The following RASSF5 variants were observed in gnomAD, a reference collection of about 807,000 sequenced individuals.
The protein encoded by RASSF5 is Ras association domain family member 5.
Under a neutral mutation model 40.5 loss-of-function variants are expected in RASSF5, and 25 were observed. The observed-to-expected ratio is 0.62, with a 90% CI of 0.45 to 0.86. The LOEUF (loss-of-function observed/expected upper bound fraction) is 0.86, where lower values mean the gene tolerates loss of function less well. RASSF5 is among the 40% of genes least tolerant of loss of function. The pLI, the probability that RASSF5 is intolerant of heterozygous loss-of-function variation, is 0.00. For synonymous variants in RASSF5, 246 were observed against 252.4 expected, an observed-to-expected ratio of 0.97 and a Z score of 0.24; for missense variants, 521 against 572.8, an observed-to-expected ratio of 0.91 and a Z score of 0.92.
At chr1:206,570,106 C>G (rs1334386815) in intron 2 of RASSF5, among the ~76,000 whole-genome samples, 8 of 118,394 alleles carry the variant, frequency 6.8e-5, no homozygotes, top group Admixed American at 1.0e-4. Flanking sequence ...TTTTTTTTTC[C>G]CCAAGACAGA....
chr1:206,536,470 C>T (rs1364582870), intron 1 of RASSF5, among the ~76,000 whole-genome samples: 1 of 151,810 alleles, frequency 6.6e-6, no homozygotes, highest in East Asian at 1.9e-4. Flanking sequence ...CCCCTATGGA[C>T]ATTAGTGGCA....
At position 206,531,210 on chromosome 1, in the gene RASSF5, C is replaced by A. The variant is rs1408174862; in HGVS notation, c.458-6962C>A. 6.6e-6 allele frequency among the ~76,000 whole-genome samples: 1 copy of A among 152,222 alleles called. No individual in the cohort carries two copies. Among genetic ancestry groups the A allele is most frequent in the Non-Finnish European group, 1.5e-5 (1 of 68,032 alleles). ...ACTTCAACAAAGGGCAGCAGAGAAG[C>A]ATTCCTTCCTTTAGTCACTCAACCA... On this transcript the variant is annotated intron_variant, in intron 1 of 5. Coordinates refer to ENST00000579436, the MANE Select transcript of RASSF5 (RefSeq NM_182663.4). The surrounding 1 kb of genome is among the most constrained non-coding windows in gnomAD (Gnocchi z 4.7).
At position 206,584,781 on chromosome 1, in the gene RASSF5, G is replaced by GT; in HGVS notation, c.988+97_988+98insT. The GT allele has an allele frequency of 7.4e-7, 1 of 1,349,908 alleles. No homozygotes were observed. The highest frequency in any genetic ancestry group is 1.0e-6 in the Non-Finnish European group (1 of 972,560). The allele number at this position is 1,349,908 out of a possible 1,614,324, so 83.6% of individuals were successfully genotyped here. A position where few individuals can be genotyped will look rare whatever the true frequency, so the allele number is the denominator to read the frequency against. ...TGCCGGCCTTGGGTGGGAGCTGTGG[G>GT]CTTCTCCTGAGCACCAGGGGTCCAG... On this transcript the variant is annotated intron_variant, in intron 4 of 5. Transcript: ENST00000579436. This position sits in a 1 kb window ranked among gnomAD's most constrained non-coding sequence, Gnocchi z 4.9.
intron 1 of RASSF5, chr1:206,529,731 C>T (rs1351340210): frequency 1.7e-6 from 1 of 579,390 alleles, no homozygotes; most frequent in African/African-American, 1.9e-5. Context: ...GTTTTCTGTA[C>T]ATAAAAATAA....
chr1:206,580,154 G>GAGAT (rs1344633367), intron 2 of RASSF5, among the ~76,000 whole-genome samples: 1 of 151,976 alleles, frequency 6.6e-6, no homozygotes, highest in Admixed American at 6.6e-5. Flanking sequence ...GGGAAGGGGA[G>GAGAT]AGATAGATGG....
intron 2 of RASSF5, among the ~76,000 whole-genome samples, chr1:206,558,003 C>T (rs933957452): frequency 2.6e-5 from 4 of 152,176 alleles, no homozygotes; most frequent in African/African-American, 4.8e-5. Flanking sequence ...GTCTCATAAC[C>T]GCACCCCCTC....
Position 206,507,680 on chromosome 1 carries a change from G to A in RASSF5, c.78G>A (p.Gln26=), listed in dbSNP as rs782802256. The A allele has an allele frequency of 3.4e-5, 51 of 1,513,486 alleles. No individual in the cohort carries two copies. The highest frequency in any genetic ancestry group is 4.4e-5 in the Non-Finnish European group (50 of 1,137,472). The allele number at this position is 1,513,486 out of a possible 1,614,324, so 93.8% of individuals were successfully genotyped here. A position where few individuals can be genotyped will look rare whatever the true frequency, so the allele number is the denominator to read the frequency against. Residue 26 remains glutamine, a synonymous_variant, in exon 1 of 6, where the codon CAG becomes CAA. Transcript: ENST00000579436. ...LLDPEPPRYL[Q]SLSGPELPPP... ...ACCCCGAGCCGCCGCGCTATCTACA[G>A]AGCCTGAGCGGCCCCGAGCTACCGC...
intron 3 of RASSF5, among the ~76,000 whole-genome samples, chr1:206,583,881 C>T (rs527848744): frequency 6.6e-6 from 1 of 152,296 alleles, no homozygotes; most frequent in East Asian, 1.9e-4. Context: ...CATCAGCTGG[C>T]TCTTTGGGGT....
chr1:206,571,231 G>T (rs1553404152), intron 2 of RASSF5: 1 of 150,926 alleles, frequency 6.6e-6, no homozygotes, highest in Admixed American at 6.6e-5. Flanking sequence ...ATCATATATA[G>T]ATCTTCTTTA....
chr1:206,532,097 A>T (rs1189096941), intron 1 of RASSF5, among the ~76,000 whole-genome samples: 1 of 152,160 alleles, frequency 6.6e-6, no homozygotes, highest in African/African-American at 2.4e-5. Context: ...TTTCCAATGC[A>T]TATTATTTTT....
rs60985867 is a variant in RASSF5, at chr1:206,531,873, T to TAAA, written c.458-6292_458-6290dup. On this transcript the variant is annotated intron_variant, in intron 1 of 5. Transcript: ENST00000579436. This position sits in a 1 kb window ranked among gnomAD's most constrained non-coding sequence, Gnocchi z 4.7. ...TAACATAGTGAAACCCTGTCTCTAC[T>TAAA]AAAAAAAAATAAATAAATAAATACA... 1.4e-5 allele frequency among the ~76,000 whole-genome samples: 2 copies of TAAA among 145,118 alleles called. No homozygotes were observed. Among genetic ancestry groups the TAAA allele is most frequent in the African/African-American group, 5.2e-5 (2 of 38,350 alleles).
rs61485853 is a variant in RASSF5, at chr1:206,512,819, C to A, written c.457+4760C>A. The stretch of plus-strand genomic sequence containing the variant: ...GGCCGAACCCAGGTCTGAGAATGGG[C>A]ATAAGAAGAATTCTTTGCATGTCAG... On this transcript the variant is annotated intron_variant, in intron 1 of 5. Coordinates refer to ENST00000579436, the MANE Select transcript of RASSF5 (RefSeq NM_182663.4). Among the ~76,000 whole-genome samples the A allele has an allele frequency of 8.9e-3, 1,356 of 152,344 alleles. 24 individuals are homozygous for A. The highest frequency in any genetic ancestry group is 0.031 in the African/African-American group (1,301 of 41,576).
rs1253960857 is a variant in RASSF5 at position 206,513,106 on chromosome 1, C to T, written c.457+5047C>T. Among the ~76,000 whole-genome samples, 1 of 152,208 alleles carries T rather than the reference C, an allele frequency of 6.6e-6. No individual in the cohort carries two copies. The highest frequency in any genetic ancestry group is 1.5e-5 in the Non-Finnish European group (1 of 68,034). On this transcript the variant is annotated intron_variant, in intron 1 of 5. Coordinates refer to ENST00000579436, the MANE Select transcript of RASSF5 (RefSeq NM_182663.4). The surrounding 1 kb of genome is among the most constrained non-coding windows in gnomAD (Gnocchi z 5.0). Reference sequence around the variant, plus strand: ...AAGCCATTTCCCCCGCTTTGGGCTTCAGAGTCAGCACCTCTGTGTGAGAGG... The same window carrying T: ...AAGCCATTTCCCCCGCTTTGGGCTTTAGAGTCAGCACCTCTGTGTGAGAGG...
Position 206,572,420 on chromosome 1 carries a change from A to G in RASSF5, c.580-10849A>G, listed in dbSNP as rs890974304. 2.6e-5 allele frequency among the ~76,000 whole-genome samples: 4 copies of G among 152,336 alleles called. No homozygotes were observed. The East Asian group carries it at 7.7e-4, about 29-fold the overall frequency. ...ATTGAGTACATGGGCACAGCTTTAC[A>G]GAAGAGCACATGGTGCCCCTGGGAT... On this transcript the variant is annotated intron_variant, in intron 2 of 5. Transcript: ENST00000579436.
intron 2 of RASSF5, among the ~76,000 whole-genome samples, chr1:206,556,791 C>A (rs1399698910): frequency 5.9e-5 from 9 of 152,112 alleles, no homozygotes; most frequent in Non-Finnish European, 4.4e-5. Context: ...TCTAACCATT[C>A]CGATTGACCC....
At chr1:206,577,671 G>T (rs188620218) in intron 2 of RASSF5, among the ~76,000 whole-genome samples, 5 of 152,328 alleles carry the variant, frequency 3.3e-5, no homozygotes, top group Admixed American at 3.3e-4. Flanking sequence ...GACAAGACAG[G>T]CGTGGGTGCT....
chr1:206,509,815 C>T (rs1572284696), intron 1 of RASSF5, among the ~76,000 whole-genome samples: 1 of 152,018 alleles, frequency 6.6e-6, no homozygotes, highest in South Asian at 2.1e-4. Context: ...TGAATTGATC[C>T]TTACGTCACA....
chr1:206,539,811 T>C (rs1178423463), intron 2 of RASSF5, among the ~76,000 whole-genome samples: 1 of 152,008 alleles, frequency 6.6e-6, no homozygotes, highest in Non-Finnish European at 1.5e-5. Flanking sequence ...AGGGAGGAGG[T>C]TACATAGTAC....
intron 5 of RASSF5, chr1:206,586,232 C>T (rs1302779439): frequency 1.3e-5 from 2 of 153,658 alleles, no homozygotes; most frequent in Non-Finnish European, 2.9e-5. Context: ...CCGCACAGGG[C>T]TTGTGCTCTT....
Sources: allele counts gnomAD v4.1 joint callset (sites outside exome capture counted in the v4.1 genomes callset), GRCh38; gene constraint gnomAD v4.1.1; non-coding constraint Gnocchi (gnomAD v3.1); transcripts MANE v1.5; gene names NCBI Gene and HGNC (gene_info 2026-07-23, HGNC 2026-07-21).